The following TEKTIP1 variants were observed in gnomAD, a reference collection of about 807,000 sequenced individuals.
TEKTIP1 encodes tektin bundle-interacting protein 1.
At chr19:3,540,128 C>T in the TEKTIP1 span, 1 of 127,260 alleles carries the variant, frequency 7.9e-6, no homozygotes, top group Non-Finnish European at 1.6e-5. Flanking sequence ...CAGTCTCATA[C>T]TGTTGCCCAG....
At chr19:3,543,542 C>G in the TEKTIP1 span, 3 of 1,520,352 alleles carry the variant, frequency 2.0e-6, no homozygotes, top group Admixed American at 2.0e-5. Flanking sequence ...CGCCAGCCCC[C>G]GCCCCACCGC....
At chr19:3,539,386 G>C in the TEKTIP1 span, 4 of 638,080 alleles carry the variant, frequency 6.3e-6, no homozygotes, top group Non-Finnish European at 1.1e-5. Context: ...AGGCTCATGT[G>C]TGTGACGTCC....
chr19:3,543,486 C>G, the TEKTIP1 span: 2 of 1,518,244 alleles, frequency 1.3e-6, no homozygotes, highest in African/African-American at 1.4e-5. Flanking sequence ...GAGTGCCCCC[C>G]CCCCCGCCCT....
the TEKTIP1 span, among the ~76,000 whole-genome samples, chr19:3,540,871 C>CAAA: frequency 1.6e-5 from 1 of 61,060 alleles, no homozygotes; most frequent in East Asian, 4.7e-4. Flanking sequence ...AACTCCATCT[C>CAAA]AAAAAAAAAA....
At chr19:3,540,458 A>G in the TEKTIP1 span, among the ~76,000 whole-genome samples, 73 of 150,396 alleles carry the variant, frequency 4.9e-4, 1 homozygote, top group Middle Eastern at 3.4e-3. Flanking sequence ...GGGTTTCACC[A>G]TGTTGGCCAG....
the TEKTIP1 span, chr19:3,543,073 GGTGA>G: frequency 6.3e-7 from 1 of 1,588,564 alleles, no homozygotes; most frequent in Non-Finnish European, 8.5e-7. Flanking sequence ...CCCACTCTGG[GGTGA>G]GGGGTACAGG....
At chr19:3,542,231 G>A in the TEKTIP1 span, 1 of 985,384 alleles carries the variant, frequency 1.0e-6, no homozygotes, top group Non-Finnish European at 1.2e-6. Context: ...TCTATGTGGG[G>A]TCCCTCAAAC....
chr19:3,542,008 C>T, the TEKTIP1 span: 1 of 479,050 alleles, frequency 2.1e-6, no homozygotes, highest in Admixed American at 6.4e-5. Flanking sequence ...CGGGGTTTCA[C>T]CATGTTGGTC....
the TEKTIP1 span, chr19:3,539,199 G>A: frequency 1.3e-6 from 2 of 1,550,230 alleles, no homozygotes; most frequent in African/African-American, 1.4e-5. Flanking sequence ...CAGGCAAGAG[G>A]CTGCACGGCC....
At chr19:3,542,835 C>G in the TEKTIP1 span, 11 of 1,376,330 alleles carry the variant, frequency 8.0e-6, no homozygotes, top group South Asian at 1.2e-4. Context: ...CCCCAGACCA[C>G]TTCTTCCTGG....
the TEKTIP1 span, chr19:3,543,538 C>A: frequency 2.0e-6 from 3 of 1,516,596 alleles, no homozygotes; most frequent in Non-Finnish European, 1.8e-6. Flanking sequence ...TGACCGCCAG[C>A]CCCCGCCCCA....
At chr19:3,542,045 G>C in the TEKTIP1 span, 12 of 730,948 alleles carry the variant, frequency 1.6e-5, no homozygotes, top group South Asian at 6.1e-5. Flanking sequence ...CCTGACCTCA[G>C]GTGATCTACC....
At chr19:3,541,843 C>G in the TEKTIP1 span, 4 of 963,794 alleles carry the variant, frequency 4.2e-6, no homozygotes, top group African/African-American at 1.8e-5. Context: ...GAGTCTCGCT[C>G]TCTCACCCAG....
chr19:3,543,510 G>A, the TEKTIP1 span: 2 of 1,461,946 alleles, frequency 1.4e-6, no homozygotes, highest in Non-Finnish European at 1.8e-6. Flanking sequence ...CAGCGGGCCT[G>A]CCAGAGGGGG....
At chr19:3,543,677 T>G in the TEKTIP1 span, 1 of 1,536,066 alleles carries the variant, frequency 6.5e-7, no homozygotes. Flanking sequence ...GGGCAAGGAA[T>G]ACGGTGAGGC....
the TEKTIP1 span, chr19:3,542,362 A>G: frequency 1.0e-5 from 10 of 985,336 alleles, no homozygotes; most frequent in Non-Finnish European, 1.2e-5. Flanking sequence ...GGCAGATGAG[A>G]TTGTTTTGAA....
chr19:3,543,464 A>G, the TEKTIP1 span: 1 of 1,529,250 alleles, frequency 6.5e-7, no homozygotes, highest in South Asian at 1.2e-5. Context: ...TGAGTGCAGC[A>G]TGCCATCGGG....
At chr19:3,543,795 T>TG in the TEKTIP1 span, 16 of 1,498,374 alleles carry the variant, frequency 1.1e-5, no homozygotes, top group South Asian at 1.3e-5. Flanking sequence ...GGCGAGGAGG[T>TG]GGGGGCACAT....
the TEKTIP1 span, chr19:3,543,158 C>T: frequency 1.3e-6 from 2 of 1,516,146 alleles, no homozygotes; most frequent in Non-Finnish European, 1.8e-6. Flanking sequence ...ACATCATCCA[C>T]CCTGGCAGAC....
Sources: allele counts gnomAD v4.1 joint callset (sites outside exome capture counted in the v4.1 genomes callset), GRCh38; gene constraint gnomAD v4.1.1; transcripts MANE v1.5; gene names NCBI Gene and HGNC (gene_info 2026-07-23, HGNC 2026-07-21).